Variants in GAS7 observed in about 807,000 individuals in gnomAD.
GAS7 encodes the protein growth arrest-specific protein 7.
Under a neutral mutation model 71.1 loss-of-function variants are expected in GAS7, and 28 were observed. That is an observed-to-expected ratio of 0.39 (90% CI 0.29 to 0.54). The LOEUF is 0.54. GAS7 is among the 20% of genes least tolerant of loss of function. The pLI is 0.62. For synonymous variants in GAS7, 258 were observed against 245.8 expected (o/e 1.05, Z -0.46); for missense variants, 436 against 627.8 (o/e 0.69, Z 3.27).
intron 1 of GAS7, among the ~76,000 whole-genome samples, chr17:10,035,082 C>T (rs73269545): frequency 0.2 from 29,761 of 151,944 alleles, 3,881 homozygotes; most frequent in African/African-American, 0.37. Context: ...GCACCCCACA[C>T]GCCCTCTTCC....
intron 1 of GAS7, among the ~76,000 whole-genome samples, chr17:10,055,035 C>T (rs1184325838): frequency 1.3e-5 from 2 of 152,130 alleles, no homozygotes; most frequent in Non-Finnish European, 2.9e-5. Context: ...CAAACACCAC[C>T]AGGAGAAAGC....
At position 10,103,723 on chromosome 17, in the gene GAS7, G is replaced by A. The variant is rs2073730070; in HGVS notation, c.184-83826C>T. Reference sequence around the variant, plus strand: ...TGCCTGTAATCCCGGCTACTAGGGAGGCTGAGGCAGGAGAACTGCTTGAAC... The same window carrying A: ...TGCCTGTAATCCCGGCTACTAGGGAAGCTGAGGCAGGAGAACTGCTTGAAC... On this transcript the variant is annotated intron_variant, in intron 1 of 13. Coordinates refer to ENST00000432992, the MANE Select transcript of GAS7 (RefSeq NM_201433.2). The surrounding 1 kb of genome is among the most constrained non-coding windows in gnomAD (Gnocchi z 5.5). 6.6e-6 allele frequency among the ~76,000 whole-genome samples: 1 copy of A among 152,018 alleles called. No homozygotes were observed. Among genetic ancestry groups the A allele is most frequent in the African/African-American group, 2.4e-5 (1 of 41,362 alleles).
At chr17:9,977,637 C>T (rs1833727711) in intron 3 of GAS7, among the ~76,000 whole-genome samples, 1 of 151,568 alleles carries the variant, frequency 6.6e-6, no homozygotes, top group South Asian at 2.1e-4. Flanking sequence ...ACACAGCTTC[C>T]ATAACTCTGG....
In GAS7 at chr17:9,959,435, C is replaced by T. The variant is rs1042568447; in HGVS notation, c.472-180G>A. On this transcript the variant is annotated intron_variant, in intron 4 of 13. Coordinates refer to ENST00000432992, the MANE Select transcript of GAS7 (RefSeq NM_201433.2). The surrounding 1 kb of genome is among the most constrained non-coding windows in gnomAD (Gnocchi z 5.0). Reference sequence around the variant, plus strand: ...TCTCCCTGACCCCACGCTGTTCCCACGCCCAGCTCTCGGGCTGAAGGCGAA... The same window carrying T: ...TCTCCCTGACCCCACGCTGTTCCCATGCCCAGCTCTCGGGCTGAAGGCGAA... The T allele has an allele frequency of 1.2e-5, 17 of 1,442,510 alleles. No homozygotes were observed. Among genetic ancestry groups the T allele is most frequent in the African/African-American group, 1.4e-5 (1 of 69,972 alleles). The allele number at this position is 1,442,510 out of a possible 1,614,324, so 89.4% of individuals were successfully genotyped here.
intron 1 of GAS7, among the ~76,000 whole-genome samples, chr17:10,100,598 T>TTTCCTTTGGGTACCACCC (rs141983174): frequency 0.028 from 4,279 of 152,188 alleles, 189 homozygotes; most frequent in African/African-American, 0.096. Flanking sequence ...CTGACTTGCA[T>TTTCCTTTGGGTACCACCC]TTGCTCCCTT....
At chr17:10,179,868 G>A (rs957035738) in intron 1 of GAS7, among the ~76,000 whole-genome samples, 3 of 152,162 alleles carry the variant, frequency 2.0e-5, no homozygotes, top group African/African-American at 4.8e-5. Context: ...TAATAAAGAA[G>A]GCAAATAGTA....
chr17:10,188,690 G>C (rs751562724), intron 1 of GAS7, among the ~76,000 whole-genome samples: 9 of 152,170 alleles, frequency 5.9e-5, no homozygotes, highest in African/African-American at 2.2e-4. Context: ...TCAGGCTAGA[G>C]TGCAGTGGTG....
At chr17:10,096,632 G>A (rs2073644050) in intron 1 of GAS7, among the ~76,000 whole-genome samples, 1 of 152,122 alleles carries the variant, frequency 6.6e-6, no homozygotes, top group Non-Finnish European at 1.5e-5. Flanking sequence ...CCATCACCCA[G>A]TCAATTCAGA....
intron 1 of GAS7, among the ~76,000 whole-genome samples, chr17:10,170,984 C>T (rs2904910): frequency 0.74 from 112,465 of 152,068 alleles, 42,115 homozygotes; most frequent in African/African-American, 0.85. Flanking sequence ...GATCAATTGT[C>T]TTCTAAGCTC....
intron 1 of GAS7, among the ~76,000 whole-genome samples, chr17:10,041,312 A>T (rs2072865090): frequency 6.6e-6 from 1 of 152,304 alleles, no homozygotes; most frequent in South Asian, 2.1e-4. Context: ...AACAGCAAAG[A>T]GGGGACAGTT....
intron 5 of GAS7, among the ~76,000 whole-genome samples, chr17:9,957,731 C>T (rs1294640541): frequency 6.6e-6 from 1 of 152,022 alleles, no homozygotes; most frequent in African/African-American, 2.4e-5. Flanking sequence ...ACCCCCTACC[C>T]ACCAGCTCCA....
chr17:9,987,926 A>G (rs973655886), intron 2 of GAS7, among the ~76,000 whole-genome samples: 1 of 152,210 alleles, frequency 6.6e-6, no homozygotes, highest in Non-Finnish European at 1.5e-5. Flanking sequence ...GCCCACCTAC[A>G]AGCCTCTGGC....
intron 2 of GAS7, among the ~76,000 whole-genome samples, chr17:9,986,107 G>A (rs2070638903): frequency 6.6e-6 from 1 of 152,162 alleles, no homozygotes; most frequent in Non-Finnish European, 1.5e-5. Flanking sequence ...CTCAAATACG[G>A]CACCTGGCCT....
At chr17:10,040,382 T>C (rs2072840393) in intron 1 of GAS7, among the ~76,000 whole-genome samples, 1 of 152,118 alleles carries the variant, frequency 6.6e-6, no homozygotes, top group South Asian at 2.1e-4. Flanking sequence ...CATCAGATCA[T>C]GGGAGGCCAT....
At chr17:10,002,163 A>G (rs1342032845) in intron 2 of GAS7, among the ~76,000 whole-genome samples, 2 of 152,338 alleles carry the variant, frequency 1.3e-5, no homozygotes, top group African/African-American at 4.8e-5. Flanking sequence ...GTATTGTTAC[A>G]GTTCTGGAAG....
chr17:9,941,920 G>A (rs143069392), intron 7 of GAS7, among the ~76,000 whole-genome samples: 41 of 152,238 alleles, frequency 2.7e-4, no homozygotes, highest in African/African-American at 7.0e-4. Context: ...TCAAAACGCC[G>A]AAGCATTATT....
rs779519897 is a variant in GAS7 at position 9,959,315 on chromosome 17, C to G, written c.472-60G>C. On this transcript the variant is annotated intron_variant, in intron 4 of 13. Coordinates refer to ENST00000432992, the MANE Select transcript of GAS7 (RefSeq NM_201433.2). This position sits in a 1 kb window ranked among gnomAD's most constrained non-coding sequence, Gnocchi z 5.0. ...TTCTCCATATTGGACATTTTTTCCC[C>G]CCATTCAGGTTCCCTGAGGGTGGAG... The G allele has an allele frequency of 6.2e-7, 1 of 1,611,422 alleles. No homozygotes were observed. Among genetic ancestry groups the G allele is most frequent in the East Asian group, 2.2e-5 (1 of 44,832 alleles).
intron 2 of GAS7, among the ~76,000 whole-genome samples, chr17:10,019,191 A>G (rs1368899497): frequency 6.6e-6 from 1 of 152,168 alleles, no homozygotes; most frequent in Non-Finnish European, 1.5e-5. Flanking sequence ...TATTCAACTC[A>G]GATGCACATG....
intron 1 of GAS7, among the ~76,000 whole-genome samples, chr17:10,142,554 A>G (rs2074091142): frequency 6.6e-6 from 1 of 152,122 alleles, no homozygotes. Context: ...TTTTTAGTAG[A>G]GACGGGGTTT....
Sources: gnomAD v4.1 joint callset for allele counts (sites outside exome capture counted in the v4.1 genomes callset) on GRCh38, gnomAD v4.1.1 for gene constraint, Gnocchi (gnomAD v3.1) non-coding constraint, MANE v1.5 for transcripts, NCBI Gene and HGNC (gene_info 2026-07-23, HGNC 2026-07-21) for gene names.